ZNF746: variants seen among roughly 807,000 people sequenced by gnomAD.
The protein encoded by ZNF746 is parkin-interacting substrate.
ZNF746 carries 13 observed loss-of-function variants against 41.0 expected under a neutral mutation model. That is an observed-to-expected ratio of 0.32 (90% confidence interval 0.21 to 0.50). The LOEUF is 0.50. Ranked by LOEUF, ZNF746 falls within the 20% of genes least tolerant of loss-of-function variation. The pLI, the probability that ZNF746 is intolerant of heterozygous loss-of-function variation, is 0.98. For synonymous variants in ZNF746, 424 were observed against 396.2 expected (o/e 1.07, Z -0.83); for missense variants, 811 against 922.9 (o/e 0.88, Z 1.57).
chr7:149,481,124 G>A (rs1554498003), intron 4 of ZNF746, among the ~76,000 whole-genome samples: 1 of 152,232 alleles, frequency 6.6e-6, no homozygotes, highest in Non-Finnish European at 1.5e-5. Context: ...TGATTGGACT[G>A]ATGGCAGATT....
In ZNF746 at chr7:149,475,490, AAGAC is replaced by A. The variant is rs746490725; in HGVS notation, c.884-11_884-8del. On this transcript the variant is annotated splice_polypyrimidine_tract_variant and splice_region_variant and intron_variant, in intron 6 of 6. Transcript: ENST00000458143. Reference sequence around the variant, plus strand: ...ATTACAATTTTTACATCTGCTGAGAAAGACAGAAAGACAGATACTGACCTGTCCC... The same window carrying A: ...ATTACAATTTTTACATCTGCTGAGAAAGAAAGACAGATACTGACCTGTCCC... The A allele has an allele frequency of 1.7e-5, 27 of 1,607,176 alleles. No individual in the cohort carries two copies. Among genetic ancestry groups the A allele is most frequent in the East Asian group, 1.1e-4 (5 of 44,790 alleles).
chr7:149,490,169 CTGTG>C, intron 4 of ZNF746: 1 of 152,868 alleles, frequency 6.5e-6, no homozygotes, highest in East Asian at 1.9e-4. Flanking sequence ...GTGGAGAGGG[CTGTG>C]TGAGTGGTGC....
At chr7:149,477,413 G>T in intron 5 of ZNF746, 151 bp downstream of exon 5, 1 of 909,074 alleles carries the variant, frequency 1.1e-6, no homozygotes, top group Non-Finnish European at 1.6e-6. Flanking sequence ...AAGTCCTTTA[G>T]TACAGTCCTA....
chr7:149,485,328 T>C (rs1045628550), intron 4 of ZNF746, among the ~76,000 whole-genome samples: 1 of 152,206 alleles, frequency 6.6e-6, no homozygotes. Flanking sequence ...ATAGATGGAA[T>C]GCAATTGCAA....
At position 149,476,965 on chromosome 7, in the gene ZNF746, G is replaced by A. The variant is rs772793336; in HGVS notation, c.840C>T (p.Cys280=). Reference sequence around the variant, plus strand: ...TGTTGAGCTTCAGGGTCCCGTCCGAGCATGCTGAAGAGGGATGGTGGGGAG... The same window carrying A: ...TGTTGAGCTTCAGGGTCCCGTCCGAACATGCTGAAGAGGGATGGTGGGGAG... ...DLPPHHPSSA[C]SDGTLKLNTA... is the part of the protein sequence containing the mutation. The change falls in exon 6 of 7, where the codon TGC becomes TGT. Residue 280 remains cysteine (C), a synonymous_variant. Coordinates refer to ENST00000458143, the MANE Select transcript of ZNF746 (RefSeq NM_001394198.1). 91 of 1,613,938 alleles carry A rather than the reference G, an allele frequency of 5.6e-5. No homozygotes were observed. Among genetic ancestry groups the A allele is most frequent in the Non-Finnish European group, 7.6e-5 (90 of 1,180,004 alleles).
At chr7:149,477,952 G>A in intron 4 of ZNF746, 197 bp from the exon 5 acceptor site, 2 of 476,094 alleles carry the variant, frequency 4.2e-6, no homozygotes, top group Non-Finnish European at 3.7e-6. Flanking sequence ...GGGAATGCGG[G>A]TAGGGTAGGA....
chr7:149,475,437 C>T lies in ZNF746; in HGVS notation c.930G>A (p.Val310=). 3 of 1,613,294 alleles carry T rather than the reference C, an allele frequency of 1.9e-6. No homozygotes were observed. Among genetic ancestry groups the T allele is most frequent in the Non-Finnish European group, 1.7e-6 (2 of 1,179,738 alleles). The change falls in exon 7 of 7, where the codon GTG becomes GTA. Residue 310 remains valine, a synonymous_variant. Transcript: ENST00000458143. ...VIKTEVQEEE[V]VATPVHPTDL... Reference sequence around the variant, plus strand: ...CAGTAGGATGTACGGGTGTGGCCACCACCTCCTCTTCCTGGACTTCTGTTT... The same window carrying T: ...CAGTAGGATGTACGGGTGTGGCCACTACCTCCTCTTCCTGGACTTCTGTTT...
chr7:149,496,750 C>T, intron 1 of ZNF746: 3 of 920,518 alleles, frequency 3.3e-6, no homozygotes, highest in Non-Finnish European at 3.9e-6. Flanking sequence ...AAGAGGCCCC[C>T]TGACACTCCT....
rs370898107 is a variant in ZNF746 at position 149,487,785 on chromosome 7, G to A, written c.565+5074C>T. On this transcript the variant is annotated intron_variant, in intron 4 of 6. Transcript: ENST00000458143. ...AAGCACATAGAAGCCTTCAATAAAT[G>A]AGTGTTCCAATGAGTAGAAAGGCTA... is the stretch of plus-strand genomic sequence containing the variant. 2.0e-5 allele frequency: 3 copies of A among 152,148 alleles called. No homozygotes were observed. In the South Asian group the frequency reaches 6.2e-4, roughly 32 times the overall value. The allele number at this position is 152,148 out of a possible 1,614,324, so 9.4% of individuals were successfully genotyped here.
At chr7:149,479,728 G>GTGGA (rs1469544947) in intron 4 of ZNF746, among the ~76,000 whole-genome samples, 1 of 152,162 alleles carries the variant, frequency 6.6e-6, no homozygotes, top group Non-Finnish European at 1.5e-5. Context: ...TCCTCCCAAT[G>GTGGA]TGGAATATCT....
intron 4 of ZNF746, among the ~76,000 whole-genome samples, chr7:149,478,470 T>A (rs1800385479): frequency 6.6e-6 from 1 of 152,118 alleles, no homozygotes; most frequent in East Asian, 1.9e-4. Context: ...GAATTCACAC[T>A]ACCCACACGG....
Position 149,475,324 on chromosome 7 carries a change from T to C in ZNF746, c.1043A>G (p.Gln348Arg), listed in dbSNP as rs1452731957. 1 of 1,614,072 alleles carries C rather than the reference T, an allele frequency of 6.2e-7. No homozygotes were observed. Among genetic ancestry groups the C allele is most frequent in the South Asian group, 1.1e-5 (1 of 91,078 alleles). The change falls in exon 7 of 7, where the codon CAG becomes CGG. Residue 348 changes from glutamine to arginine, a missense_variant. Gln to Arg is a conservative substitution (Grantham distance 43). Coordinates refer to ENST00000458143, the MANE Select transcript of ZNF746 (RefSeq NM_001394198.1). ...SPAQEGAWES[Q>R]GSSFPSQDPV... is the part of the protein sequence containing the mutation. ...GTCCTGGCTGGGGAAGGAGCTGCCC[T>C]GGCTTTCCCAGGCTCCTTCCTGGGC...
rs1016786738 is a variant in ZNF746 at position 149,474,290 on chromosome 7, T to A, written c.*94A>T. ...CAACTTGGACATTTGGTTCTCCCCGTCCCGCGTCTGCCTGAAGCTTCCACG... is the reference window on the plus strand; with the variant it reads ...CAACTTGGACATTTGGTTCTCCCCGACCCGCGTCTGCCTGAAGCTTCCACG... On this transcript the variant is annotated 3_prime_UTR_variant, in exon 7 of 7. Transcript: ENST00000458143. This position sits in a 1 kb window ranked among gnomAD's most constrained non-coding sequence, Gnocchi z 6.3. 6.3e-6 allele frequency: 9 copies of A among 1,428,186 alleles called. No individual in the cohort carries two copies. The African/African-American group carries it at 1.1e-4, about 18-fold the overall frequency. 88.5% of individuals were successfully genotyped at this position (1,428,186 alleles called of 1,614,324 possible).
At chr7:149,493,475 T>A (rs1276313980) in intron 3 of ZNF746, among the ~76,000 whole-genome samples, 2 of 152,116 alleles carry the variant, frequency 1.3e-5, no homozygotes, top group Non-Finnish European at 2.9e-5. Flanking sequence ...AGGCCCTTCC[T>A]GGGCAGGATT....
rs1407574679 is a variant in ZNF746, at chr7:149,474,023, T to TA, written c.*360dup. Reference sequence around the variant, plus strand: ...CAACACACTATCAGACTCAGTGAGATAGTGACAGAAATGCACGCCCTGAAA... The same window carrying TA: ...CAACACACTATCAGACTCAGTGAGATAAGTGACAGAAATGCACGCCCTGAAA... On this transcript the variant is annotated 3_prime_UTR_variant, in exon 7 of 7. Coordinates refer to ENST00000458143, the MANE Select transcript of ZNF746 (RefSeq NM_001394198.1). The surrounding 1 kb of genome is among the most constrained non-coding windows in gnomAD (Gnocchi z 6.3). The TA allele has an allele frequency of 6.2e-6, 2 of 321,438 alleles. No homozygotes were observed. The highest frequency in any genetic ancestry group is 4.4e-5 in the African/African-American group (2 of 45,198). 19.9% of individuals were successfully genotyped at this position (321,438 alleles called of 1,614,324 possible). A position where few individuals can be genotyped will look rare whatever the true frequency, so the allele number is the denominator to read the frequency against.
Position 149,474,105 on chromosome 7 carries a change from C to G in ZNF746, c.*279G>C, listed in dbSNP as rs1201712313. The stretch of plus-strand genomic sequence containing the variant: ...TATTACTATTTTCCAGCTTTTTCCT[C>G]AAGAATTAAAAAAAAACAAAAAACA... On this transcript the variant is annotated 3_prime_UTR_variant, in exon 7 of 7. Transcript: ENST00000458143. This position sits in a 1 kb window ranked among gnomAD's most constrained non-coding sequence, Gnocchi z 6.3. The G allele has an allele frequency of 2.1e-6, 1 of 475,430 alleles. No individual in the cohort carries two copies. The highest frequency in any genetic ancestry group is 2.0e-5 in the African/African-American group (1 of 50,540). The allele number at this position is 475,430 out of a possible 1,614,324, so 29.5% of individuals were successfully genotyped here.
At chr7:149,481,766 T>C (rs1800492295) in intron 4 of ZNF746, among the ~76,000 whole-genome samples, 1 of 152,020 alleles carries the variant, frequency 6.6e-6, no homozygotes, top group Non-Finnish European at 1.5e-5. Flanking sequence ...AAAAGGAAAA[T>C]ACCTAAATGA....
At chr7:149,487,423 A>C (rs1422840029) in intron 4 of ZNF746, among the ~76,000 whole-genome samples, 1 of 152,182 alleles carries the variant, frequency 6.6e-6, no homozygotes, top group Non-Finnish European at 1.5e-5. Flanking sequence ...TAAGGCTGAA[A>C]CTCTAGAAAT....
In ZNF746 at chr7:149,497,617, G is replaced by A. The variant is rs1373355430; in HGVS notation, c.-81C>T. 3 of 992,018 alleles carry A rather than the reference G, an allele frequency of 3.0e-6. No individual in the cohort carries two copies. Among genetic ancestry groups the A allele is most frequent in the African/African-American group, 1.8e-5 (1 of 56,846 alleles). 61.5% of individuals were successfully genotyped at this position (992,018 alleles called of 1,614,324 possible). A position where few individuals can be genotyped will look rare whatever the true frequency, so the allele number is the denominator to read the frequency against. On this transcript the variant is annotated 5_prime_UTR_variant, in exon 1 of 7. Transcript: ENST00000458143. The surrounding 1 kb of genome is among the most constrained non-coding windows in gnomAD (Gnocchi z 4.2). The stretch of plus-strand genomic sequence containing the variant: ...CGGCACCACGCAGGCCCGGCCGCCC[G>A]GTGCTCTCCGCAGGCGGCGCCTGCC...
Sources: gnomAD v4.1 joint callset for allele counts (sites outside exome capture counted in the v4.1 genomes callset) on GRCh38, gnomAD v4.1.1 for gene constraint, Gnocchi (gnomAD v3.1) non-coding constraint, MANE v1.5 for transcripts, NCBI Gene and HGNC (gene_info 2026-07-23, HGNC 2026-07-21) for gene names.